Variants in ABHD12B observed in about 807,000 individuals in gnomAD.
ABHD12B encodes the protein protein ABHD12B.
ABHD12B carries 42 observed loss-of-function variants against 50.4 expected under a neutral mutation model. The ratio of observed to expected loss-of-function variants is 0.83; its 90% CI spans 0.65 to 1.08. The LOEUF is 1.08. Ranked by LOEUF, ABHD12B falls within the 50% of genes least tolerant of loss-of-function variation. The pLI, the probability that ABHD12B is intolerant of heterozygous loss-of-function variation, is 0.00. For missense variants in ABHD12B, 479 were observed against 447.7 expected, an observed-to-expected ratio of 1.07 and a Z score of -0.63; for synonymous variants, 167 against 160.3, an observed-to-expected ratio of 1.04 and a Z score of -0.32.
chr14:50,885,493 C>T (rs2050022709), intron 5 of ABHD12B, 121 bp from the exon 6 acceptor site: 3 of 1,094,228 alleles, frequency 2.7e-6, no homozygotes, highest in African/African-American at 1.6e-5. Context: ...TACTAATGAA[C>T]AAGTTAAAAT....
chr14:50,872,093 C>T lies in ABHD12B; in HGVS notation c.-82C>T. 1 of 1,079,434 alleles carries T rather than the reference C, an allele frequency of 9.3e-7. No individual in the cohort carries two copies. The highest frequency in any genetic ancestry group is 1.2e-6 in the Non-Finnish European group (1 of 859,742). 66.9% of individuals were successfully genotyped at this position (1,079,434 alleles called of 1,614,324 possible). ...GCGGAGGAGGAGGGCGGGCGCGGTG[C>T]CGCCGGGGCGGGAAGGTCGCGGGCG... On this transcript the variant is annotated 5_prime_UTR_variant, in exon 1 of 13. Coordinates refer to ENST00000337334, the MANE Select transcript of ABHD12B (RefSeq NM_001206673.2).
At chr14:50,902,484 A>G (rs2050272406) in intron 10 of ABHD12B, among the ~76,000 whole-genome samples, 1 of 152,100 alleles carries the variant, frequency 6.6e-6, no homozygotes, top group South Asian at 2.1e-4. Flanking sequence ...ATCCTGTAAA[A>G]CAAACAAACA....
At chr14:50,885,575 T>C (rs763393278) in intron 5 of ABHD12B, 39 bp from the exon 6 acceptor site, 3 of 1,612,746 alleles carry the variant, frequency 1.9e-6, no homozygotes, top group Non-Finnish European at 2.5e-6. Context: ...TCTGTTTTCA[T>C]CTTCTAATTA....
chr14:50,875,203 A>G (rs1221010926), intron 1 of ABHD12B, among the ~76,000 whole-genome samples: 1 of 152,204 alleles, frequency 6.6e-6, no homozygotes, highest in Non-Finnish European at 1.5e-5. Context: ...AGGAGAGGTC[A>G]CCATGGAATG....
chr14:50,903,329 A>C (rs2050285612), intron 10 of ABHD12B, 60 bp from the exon 11 acceptor site: 2 of 1,334,662 alleles, frequency 1.5e-6, no homozygotes, highest in African/African-American at 2.9e-5. Context: ...TTAACTTAGA[A>C]GAGGAGAAAT....
rs1477945380 is a variant in ABHD12B at position 50,881,612 on chromosome 14, C to A, written c.472C>A (p.Leu158Met). Reference protein sequence around the residue: ...SAEHRAASHRLKLVKVLSDGG... With the variant: ...SAEHRAASHRMKLVKVLSDGG... ...CCTTCACAGGGCAGCTTCGCACAGA[C>A]TGAAGCTGGTAAAGGTATGTCTGAA... The change falls in exon 5 of 13, where the codon CTG becomes ATG. Residue 158 changes from leucine (L) to methionine (M), a missense_variant. By Grantham distance (15) the Leu-to-Met change is conservative (BLOSUM62 2). Coordinates refer to ENST00000337334, the MANE Select transcript of ABHD12B (RefSeq NM_001206673.2). The A allele has an allele frequency of 2.5e-6, 4 of 1,598,016 alleles. No individual in the cohort carries two copies. The highest frequency in any genetic ancestry group is 3.4e-5 in the Admixed American group (2 of 58,992).
At chr14:50,900,279 T>C (rs114827675) in intron 9 of ABHD12B, among the ~76,000 whole-genome samples, 303 of 152,232 alleles carry the variant, frequency 2.0e-3, no homozygotes, top group African/African-American at 6.9e-3. Flanking sequence ...ATATCTGAAA[T>C]TCAATCATAC....
chr14:50,882,096 C>T (rs944861070), intron 5 of ABHD12B, among the ~76,000 whole-genome samples: 9 of 151,726 alleles, frequency 5.9e-5, no homozygotes, highest in Non-Finnish European at 7.4e-5. Context: ...CCACCACGCC[C>T]GGCTAATTTT....
chr14:50,904,363 A>G lies in ABHD12B; in HGVS notation c.1086A>G (p.Ser362=). Residue 362 remains serine (S), a synonymous_variant, in exon 13 of 13, where the codon TCA becomes TCG. Transcript: ENST00000337334. The part of the protein sequence containing the change: ...TVRDFLSKQW[S] The stretch of plus-strand genomic sequence containing the variant: ...GAGATTTCCTGAGCAAGCAGTGGTC[A>G]TGAGTCTGGGAGGAGTGGAAATCTT... 6.2e-7 allele frequency: 1 copy of G among 1,613,890 alleles called. No individual in the cohort carries two copies.
Position 50,872,229 on chromosome 14 carries a change from G to T in ABHD12B, c.55G>T (p.Ala19Ser). 7.2e-7 allele frequency: 1 copy of T among 1,393,036 alleles called. No homozygotes were observed. The allele number at this position is 1,393,036 out of a possible 1,614,324, so 86.3% of individuals were successfully genotyped here. A position where few individuals can be genotyped will look rare whatever the true frequency, so the allele number is the denominator to read the frequency against. ...AASPEPPGPP[A>S]RSCVAAWWDM... The stretch of plus-strand genomic sequence containing the variant: ...ATCGCCCGAGCCGCCCGGGCCCCCA[G>T]CCCGTAGCTGCGTGGCCGCCTGGTG... The change falls in exon 1 of 13, where the codon GCC becomes TCC. Residue 19 changes from alanine to serine, a missense_variant. By Grantham distance (99) the Ala-to-Ser change is moderately conservative (BLOSUM62 1). Coordinates refer to ENST00000337334, the MANE Select transcript of ABHD12B (RefSeq NM_001206673.2).
rs368098014 is a variant in ABHD12B, at chr14:50,899,421, A to G, written c.781-2408A>G. 4.6e-5 allele frequency among the ~76,000 whole-genome samples: 7 copies of G among 152,254 alleles called. No homozygotes were observed. In the East Asian group the frequency reaches 1.3e-3, roughly 29 times the overall value. The stretch of plus-strand genomic sequence containing the variant: ...AGTCTCTATTCTATTATTACAGTTC[A>G]TAGTAGGAGACTATTAACAAATGAC... On this transcript the variant is annotated intron_variant, in intron 9 of 12. Coordinates refer to ENST00000337334, the MANE Select transcript of ABHD12B (RefSeq NM_001206673.2).
In ABHD12B at chr14:50,874,418, G is replaced by A. The variant is rs898816459; in HGVS notation, c.104+2140G>A. 3.3e-5 allele frequency among the ~76,000 whole-genome samples: 5 copies of A among 152,226 alleles called. No individual in the cohort carries two copies. In the South Asian group the frequency reaches 6.2e-4, roughly 19 times the overall value. On this transcript the variant is annotated intron_variant, in intron 1 of 12. Coordinates refer to ENST00000337334, the MANE Select transcript of ABHD12B (RefSeq NM_001206673.2). ...GATGGAGACCATCCTGGCTAACACA[G>A]TGAAACCCTGTCTCTACTAAAAATA...
intron 4 of ABHD12B, 21 bp downstream of exon 4, chr14:50,880,592 AT>A (rs538304820): frequency 2.0e-4 from 298 of 1,505,084 alleles, no homozygotes; most frequent in Admixed American, 6.4e-4. Flanking sequence ...CTGCTTACAT[AT>A]TTTTTTTTCA....
At position 50,898,110 on chromosome 14, in the gene ABHD12B, T is replaced by A. The variant is rs143342348; in HGVS notation, c.781-3719T>A. 6.6e-5 allele frequency among the ~76,000 whole-genome samples: 10 copies of A among 152,346 alleles called. No homozygotes were observed. In the East Asian group the frequency reaches 1.9e-3, roughly 29 times the overall value. ...ACCCCTGGCAGGAATGGGGCTGTTC[T>A]ACGTTATAAACTGCCTGAGAGTTAA... On this transcript the variant is annotated intron_variant, in intron 9 of 12. Coordinates refer to ENST00000337334, the MANE Select transcript of ABHD12B (RefSeq NM_001206673.2).
At chr14:50,886,558 G>A in intron 7 of ABHD12B, 89 bp from the exon 8 acceptor site, 2 of 1,289,764 alleles carry the variant, frequency 1.6e-6, no homozygotes, top group Admixed American at 4.3e-5. Context: ...TAACCAGAGA[G>A]CCCAGAGCTT....
chr14:50,875,555 AG>A (rs2049850270), intron 1 of ABHD12B, among the ~76,000 whole-genome samples: 2 of 152,202 alleles, frequency 1.3e-5, no homozygotes, highest in Non-Finnish European at 2.9e-5. Context: ...GGCAAGTGAA[AG>A]AACACCAAAG....
chr14:50,898,811 G>C (rs1460318877), intron 9 of ABHD12B, among the ~76,000 whole-genome samples: 1 of 152,210 alleles, frequency 6.6e-6, no homozygotes, highest in Non-Finnish European at 1.5e-5. Flanking sequence ...AGGAAAGGCT[G>C]TGTCAGGAAG....
chr14:50,881,546 AT>A (rs2049947138), intron 4 of ABHD12B, 49 bp from the exon 5 acceptor site: 2 of 1,563,160 alleles, frequency 1.3e-6, no homozygotes, highest in Admixed American at 3.8e-5. Context: ...ATTTGTTATC[AT>A]CGTTCCTAAT....
intron 7 of ABHD12B, 145 bp downstream of exon 7, chr14:50,886,040 AG>A: frequency 8.4e-7 from 1 of 1,192,588 alleles, no homozygotes; most frequent in Non-Finnish European, 1.2e-6. Flanking sequence ...AAGTGGCTGA[AG>A]ATCTTGCCAT....
Sources: gnomAD v4.1 joint callset for allele counts (sites outside exome capture counted in the v4.1 genomes callset) on GRCh38, gnomAD v4.1.1 for gene constraint, MANE v1.5 for transcripts, NCBI Gene and HGNC (gene_info 2026-07-23, HGNC 2026-07-21) for gene names.